The following FUT9 variants were observed in gnomAD, a reference collection of about 807,000 sequenced individuals.
FUT9 encodes the protein 4-galactosyl-N-acetylglucosaminide 3-alpha-L-fucosyltransferase 9.
A neutral mutation model predicts 29.7 loss-of-function variants in FUT9; 15 were observed. The ratio of observed to expected loss-of-function variants is 0.51; its 90% confidence interval spans 0.34 to 0.78. The LOEUF is 0.78. Among genes scored for constraint, FUT9 ranks in the 30% least tolerant of loss-of-function variants. FUT9 has a pLI of 0.01. For missense variants in FUT9, 319 were observed against 425.4 expected, an observed-to-expected ratio of 0.75 and a Z score of 2.20; for synonymous variants, 169 against 153.7, an observed-to-expected ratio of 1.10 and a Z score of -0.74.
At chr6:96,090,815 A>G (rs1771399255) in intron 1 of FUT9, among the ~76,000 whole-genome samples, 1 of 152,012 alleles carries the variant, frequency 6.6e-6, no homozygotes, top group South Asian at 2.1e-4. Flanking sequence ...TTAAACACCT[A>G]AAGTAAAAAG....
intron 2 of FUT9, among the ~76,000 whole-genome samples, chr6:96,168,444 G>A (rs1222303825): frequency 6.6e-6 from 1 of 152,202 alleles, no homozygotes; most frequent in Non-Finnish European, 1.5e-5. Flanking sequence ...AGAAAACTAA[G>A]AGAAGGTGGC....
intron 2 of FUT9, among the ~76,000 whole-genome samples, chr6:96,146,111 T>C (rs544049857): frequency 6.6e-6 from 1 of 152,212 alleles, no homozygotes; most frequent in Non-Finnish European, 1.5e-5. Context: ...AGTGTTGGGA[T>C]TATAGGCATG....
intron 2 of FUT9, among the ~76,000 whole-genome samples, chr6:96,181,328 G>A (rs1773302528): frequency 6.6e-6 from 1 of 151,922 alleles, no homozygotes; most frequent in Non-Finnish European, 1.5e-5. Flanking sequence ...TTTCACATTA[G>A]AACACATAGT....
chr6:96,045,178 G>C (rs80125113), intron 1 of FUT9, among the ~76,000 whole-genome samples: 1 of 152,180 alleles, frequency 6.6e-6, no homozygotes, highest in Non-Finnish European at 1.5e-5. Context: ...AAACCAAGAG[G>C]TGAGAATTGA....
chr6:96,031,951 C>T (rs1002338031), intron 1 of FUT9, among the ~76,000 whole-genome samples: 8 of 151,460 alleles, frequency 5.3e-5, no homozygotes, highest in African/African-American at 1.9e-4. Context: ...GATCTGTAGC[C>T]AATGTGGCCT....
At position 96,209,209 on chromosome 6, in the gene FUT9, T is replaced by C. The variant is rs560294005; in HGVS notation, c.*4974T>C. 1.8e-5 allele frequency: 3 copies of C among 167,026 alleles called. No homozygotes were observed. The East Asian group carries it at 5.8e-4, about 32-fold the overall frequency. 10.3% of individuals were successfully genotyped at this position (167,026 alleles called of 1,614,324 possible). ...TCTAAGATCGAAATTGATATATGCA[T>C]GAAATTCCTAATGGAATTTCAATGT... On this transcript the variant is annotated 3_prime_UTR_variant, in exon 3 of 3. Coordinates refer to ENST00000302103, the MANE Select transcript of FUT9 (RefSeq NM_006581.4).
At chr6:96,023,271 T>C (rs1489467541) in intron 1 of FUT9, among the ~76,000 whole-genome samples, 4 of 151,952 alleles carry the variant, frequency 2.6e-5, no homozygotes. Context: ...GCTCATTTAG[T>C]CCCAAGAAAC....
intron 1 of FUT9, among the ~76,000 whole-genome samples, chr6:96,104,303 T>C (rs1368293364): frequency 6.6e-6 from 1 of 152,206 alleles, no homozygotes; most frequent in Non-Finnish European, 1.5e-5. Flanking sequence ...TTATTTCCTT[T>C]TTCTTTAGTA....
chr6:96,142,270 A>C lies in FUT9; in HGVS notation c.-9+28143A>C, dbSNP rs143302393. ...ACAAGCGATAAGTGATACTAAAGAT[A>C]AGAGTAATCTCATATCTTGAGAAAT... On this transcript the variant is annotated intron_variant, in intron 2 of 2. Coordinates refer to ENST00000302103, the MANE Select transcript of FUT9 (RefSeq NM_006581.4). 1.7e-3 allele frequency among the ~76,000 whole-genome samples: 256 copies of C among 152,342 alleles called. 1 individual carries two copies. Among genetic ancestry groups the C allele is most frequent in the Middle Eastern group, 6.8e-3 (2 of 294 alleles).
intron 1 of FUT9, among the ~76,000 whole-genome samples, chr6:96,090,152 G>A (rs552334846): frequency 6.6e-6 from 1 of 152,046 alleles, no homozygotes; most frequent in East Asian, 1.9e-4. Context: ...TTTCAAGCAT[G>A]TGTATATGAA....
At chr6:96,175,226 C>T (rs1398487083) in intron 2 of FUT9, among the ~76,000 whole-genome samples, 1 of 152,090 alleles carries the variant, frequency 6.6e-6, no homozygotes, top group Non-Finnish European at 1.5e-5. Context: ...AATGTTGGAG[C>T]TCATTAAAGA....
intron 1 of FUT9, among the ~76,000 whole-genome samples, chr6:96,111,372 G>T (rs900288124): frequency 1.3e-5 from 2 of 152,136 alleles, no homozygotes; most frequent in East Asian, 3.9e-4. Flanking sequence ...TATAGGGAAT[G>T]GAGAAAATGA....
At chr6:96,164,588 AG>A (rs1772979033) in intron 2 of FUT9, among the ~76,000 whole-genome samples, 1 of 152,078 alleles carries the variant, frequency 6.6e-6, no homozygotes, top group African/African-American at 2.4e-5. Context: ...AGACTGTAAA[AG>A]CTTCTTATCA....
chr6:96,132,808 T>A (rs1016967674), intron 2 of FUT9, among the ~76,000 whole-genome samples: 1 of 152,138 alleles, frequency 6.6e-6, no homozygotes, highest in Non-Finnish European at 1.5e-5. Context: ...AAAACATTTA[T>A]GAAGTATAAT....
rs550645850 is a variant in FUT9, at chr6:96,069,055, G to A, written c.-97-44984G>A. On this transcript the variant is annotated intron_variant, in intron 1 of 2. Coordinates refer to ENST00000302103, the MANE Select transcript of FUT9 (RefSeq NM_006581.4). ...TCATTGACCGGGCGCAGTGGCTTAC[G>A]CCTGTCATTCCAGCACTTTGGGAGG... is the stretch of plus-strand genomic sequence containing the variant. 5.3e-5 allele frequency among the ~76,000 whole-genome samples: 8 copies of A among 152,256 alleles called. No individual in the cohort carries two copies. The South Asian group carries it at 1.5e-3, about 28-fold the overall frequency.
At chr6:96,147,404 G>A (rs1260270749) in intron 2 of FUT9, among the ~76,000 whole-genome samples, 1 of 151,958 alleles carries the variant, frequency 6.6e-6, no homozygotes, top group African/African-American at 2.4e-5. Context: ...CCTGACTTCA[G>A]GTGATCCGCC....
chr6:96,176,270 T>C (rs1773202334), intron 2 of FUT9, among the ~76,000 whole-genome samples: 1 of 152,164 alleles, frequency 6.6e-6, no homozygotes, highest in African/African-American at 2.4e-5. Flanking sequence ...AGCCAACTCC[T>C]CTAGTTAATC....
chr6:96,058,664 G>A (rs543982926), intron 1 of FUT9, among the ~76,000 whole-genome samples: 1 of 152,240 alleles, frequency 6.6e-6, no homozygotes, highest in South Asian at 2.1e-4. Flanking sequence ...AACGCAGCGG[G>A]ACCTAGCAGT....
chr6:96,164,195 C>G lies in FUT9; in HGVS notation c.-8-38953C>G, dbSNP rs1319165802. Among the ~76,000 whole-genome samples the G allele has an allele frequency of 2.7e-5, 4 of 150,234 alleles. 1 individual carries two copies. On this transcript the variant is annotated intron_variant, in intron 2 of 2. Coordinates refer to ENST00000302103, the MANE Select transcript of FUT9 (RefSeq NM_006581.4). ...TGGATGAAAGAGTTTCTCTAAAGAC[C>G]TGGAATCAATAGAAGGGAGTTTCTG...
Sources: gnomAD v4.1 joint callset for allele counts (sites outside exome capture counted in the v4.1 genomes callset) on GRCh38, gnomAD v4.1.1 for gene constraint, MANE v1.5 for transcripts, NCBI Gene and HGNC (gene_info 2026-07-23, HGNC 2026-07-21) for gene names.